ARHGEF26: variants seen among roughly 807,000 people sequenced by gnomAD.
ARHGEF26 encodes the protein Rho guanine nucleotide exchange factor (GEF) 26.
Under a neutral mutation model 89.4 loss-of-function variants are expected in ARHGEF26, and 59 were observed. The observed-to-expected ratio is 0.66, with a 90% CI of 0.54 to 0.82. The LOEUF is 0.82. ARHGEF26 is among the 40% of genes least tolerant of loss of function. ARHGEF26 has a pLI of 0.00. For missense variants in ARHGEF26, 1,234 were observed against 1,085.6 expected, an observed-to-expected ratio of 1.14 and a Z score of -1.92; for synonymous variants, 500 against 428.4, an observed-to-expected ratio of 1.17 and a Z score of -2.06.
chr3:154,255,329 A>G lies in ARHGEF26; in HGVS notation c.2474-2A>G. ...TGGTGTGGACTCTGTTCTTTTTCAC[A>G]GGCTGGTATGAGGGGGAACGACTAC... On this transcript the variant is annotated splice_acceptor_variant, in intron 14 of 14. Transcript: ENST00000465093. LOFTEE classifies it high-confidence loss of function. 6.2e-7 allele frequency: 1 copy of G among 1,611,112 alleles called. No individual in the cohort carries two copies. Among genetic ancestry groups the G allele is most frequent in the Non-Finnish European group, 8.5e-7 (1 of 1,178,642 alleles).
intron 6 of ARHGEF26, among the ~76,000 whole-genome samples, chr3:154,179,821 G>C (rs147722468): frequency 2.6e-5 from 4 of 152,320 alleles, no homozygotes; most frequent in African/African-American, 9.6e-5. Context: ...GACAGATTAA[G>C]AGGATGTATT....
intron 4 of ARHGEF26, among the ~76,000 whole-genome samples, chr3:154,140,397 C>T (rs577711330): frequency 1.3e-5 from 2 of 152,240 alleles, no homozygotes; most frequent in African/African-American, 4.8e-5. Context: ...TCTGCAGTGA[C>T]CTCAAAAGAT....
Position 154,122,590 on chromosome 3 carries a change from C to CGG in ARHGEF26, c.602_603dup (p.Leu202GlyfsTer35), listed in dbSNP as rs1465206061. On this transcript the variant is annotated frameshift_variant, in exon 2 of 15. Coordinates refer to ENST00000465093, the MANE Select transcript of ARHGEF26 (RefSeq NM_015595.4). LOFTEE classifies it high-confidence loss of function. The stretch of plus-strand genomic sequence containing the variant: ...CGGCCGGAAGGCAAAGGACCCCGAA[C>CGG]GGGGGCTCTTTCCTGGGCCCCAGAA... 1 of 1,613,642 alleles carries CGG rather than the reference C, an allele frequency of 6.2e-7. No individual in the cohort carries two copies.
Position 154,223,975 on chromosome 3 carries a change from G to GA in ARHGEF26, c.1936-1870dup, listed in dbSNP as rs36125481. Among the ~76,000 whole-genome samples the GA allele has an allele frequency of 8.5e-3, 1,276 of 150,036 alleles. 14 individuals carry two copies. The highest frequency in any genetic ancestry group is 0.013 in the Non-Finnish European group (887 of 67,354). On this transcript the variant is annotated intron_variant, in intron 10 of 14. Coordinates refer to ENST00000465093, the MANE Select transcript of ARHGEF26 (RefSeq NM_015595.4). ...TAGCTTTCTAGGATGCCAGGTAATA[G>GA]AAAAAAAAAAATGAAATGTCTGTGC...
intron 6 of ARHGEF26, among the ~76,000 whole-genome samples, chr3:154,175,933 T>C (rs1712791773): frequency 6.6e-6 from 1 of 152,212 alleles, no homozygotes; most frequent in Non-Finnish European, 1.5e-5. Context: ...CTATTTAATA[T>C]AATAACAGGT....
chr3:154,207,540 A>G (rs956315007), intron 9 of ARHGEF26, among the ~76,000 whole-genome samples: 2 of 152,236 alleles, frequency 1.3e-5, no homozygotes, highest in African/African-American at 2.4e-5. Flanking sequence ...AATCAAAACC[A>G]CAATGAGATA....
intron 4 of ARHGEF26, among the ~76,000 whole-genome samples, chr3:154,141,496 T>G (rs1719381078): frequency 6.6e-6 from 1 of 152,228 alleles, no homozygotes; most frequent in Non-Finnish European, 1.5e-5. Context: ...CCCTTGGGGC[T>G]GCTGCTTTTG....
intron 9 of ARHGEF26, among the ~76,000 whole-genome samples, chr3:154,198,823 A>G (rs1051119565): frequency 6.6e-6 from 1 of 152,134 alleles, no homozygotes; most frequent in Non-Finnish European, 1.5e-5. Flanking sequence ...AATCACCACT[A>G]AAGAACTTCT....
In ARHGEF26 at chr3:154,122,432, C is replaced by T. The variant is rs1420766234; in HGVS notation, c.440C>T (p.Pro147Leu). The stretch of plus-strand genomic sequence containing the variant: ...CCGCCGCCGCCGGTTCTGCGCCCCC[C>T]GCGGACTCCTAACGCGCCCGCCCCC... ...APPPPPVLRP[P>L]RTPNAPAPCT... The change falls in exon 2 of 15, where the codon CCG (proline) becomes CTG (leucine). Residue 147 changes from proline to leucine, a missense_variant. By Grantham distance (98) the Pro-to-Leu change is moderately conservative (BLOSUM62 -3). Transcript: ENST00000465093. The T allele has an allele frequency of 6.2e-7, 1 of 1,611,350 alleles. No individual in the cohort carries two copies. The highest frequency in any genetic ancestry group is 1.1e-5 in the South Asian group (1 of 90,988).
intron 9 of ARHGEF26, among the ~76,000 whole-genome samples, chr3:154,197,001 G>A (rs1252251916): frequency 6.6e-6 from 1 of 152,042 alleles, no homozygotes; most frequent in Non-Finnish European, 1.5e-5. Flanking sequence ...CTCAGTTACA[G>A]TAGATTACTA....
chr3:154,239,218 G>T (rs1413096629), intron 11 of ARHGEF26, among the ~76,000 whole-genome samples: 3 of 149,642 alleles, frequency 2.0e-5, no homozygotes, highest in African/African-American at 7.4e-5. Flanking sequence ...CTTCAAGAAA[G>T]AAGTAGTGTT....
chr3:154,187,862 T>C (rs1442572170), intron 7 of ARHGEF26, 25 bp downstream of exon 7: 1 of 1,589,948 alleles, frequency 6.3e-7, no homozygotes, highest in Non-Finnish European at 8.6e-7. Flanking sequence ...ATGCTACAGT[T>C]TTAATCATCT....
chr3:154,191,773 A>G (rs1322117724), intron 8 of ARHGEF26, among the ~76,000 whole-genome samples: 1 of 152,182 alleles, frequency 6.6e-6, no homozygotes, highest in East Asian at 1.9e-4. Context: ...CTTTGGGCCT[A>G]AGATTCCTCA....
chr3:154,194,858 A>C, intron 9 of ARHGEF26, 140 bp downstream of exon 9: 3 of 696,122 alleles, frequency 4.3e-6, no homozygotes, highest in Non-Finnish European at 7.4e-6. Context: ...GTTGCAAAAC[A>C]AAATCATATT....
intron 6 of ARHGEF26, among the ~76,000 whole-genome samples, chr3:154,178,079 C>G (rs535691506): frequency 3.3e-5 from 5 of 152,182 alleles, no homozygotes; most frequent in African/African-American, 1.2e-4. Flanking sequence ...TGGTGGGCGC[C>G]TGTAATCCCA....
At chr3:154,213,456 C>T (rs1715524417) in intron 9 of ARHGEF26, among the ~76,000 whole-genome samples, 1 of 1,722 alleles carries the variant, frequency 5.8e-4, no homozygotes, top group African/African-American at 0.024. Context: ...TCCATTGATG[C>T]ACCATTGCTT....
chr3:154,211,308 C>G (rs1035042623), intron 9 of ARHGEF26, among the ~76,000 whole-genome samples: 9 of 152,134 alleles, frequency 5.9e-5, no homozygotes, highest in African/African-American at 2.2e-4. Flanking sequence ...GGTGAGAACT[C>G]AAGTTCAGAC....
At position 154,194,672 on chromosome 3, in the gene ARHGEF26, C is replaced by A; in HGVS notation, c.1799C>A (p.Ser600Tyr). 1 of 1,612,652 alleles carries A rather than the reference C, an allele frequency of 6.2e-7. No homozygotes were observed. The highest frequency in any genetic ancestry group is 8.5e-7 in the Non-Finnish European group (1 of 1,179,420). The change falls in exon 9 of 15, where the codon TCT becomes TAT. Residue 600 changes from serine to tyrosine, a missense_variant. Coordinates refer to ENST00000465093, the MANE Select transcript of ARHGEF26 (RefSeq NM_015595.4). ...ATCTGTCAAAAAACACCTAAGGACT[C>A]TCCGAAGTATGAAGTCTGCAAAAGA... Reference protein sequence around the residue: ...DTICQKTPKDSPKYEVCKRAL... With the variant: ...DTICQKTPKDYPKYEVCKRAL...
At chr3:154,239,299 A>AGAGAGTGTGT (rs1182446964) in intron 11 of ARHGEF26, among the ~76,000 whole-genome samples, 3 of 64,330 alleles carry the variant, frequency 4.7e-5, no homozygotes, top group African/African-American at 1.8e-4. Context: ...AGAGAGAGAG[A>AGAGAGTGTGT]GTGTGTGTGT....
Sources: gnomAD v4.1 joint callset for allele counts (sites outside exome capture counted in the v4.1 genomes callset) on GRCh38, gnomAD v4.1.1 for gene constraint, MANE v1.5 for transcripts, NCBI Gene and HGNC (gene_info 2026-07-23, HGNC 2026-07-21) for gene names.